The following AAK1 variants were observed in gnomAD, a reference collection of about 807,000 sequenced individuals.
AAK1 encodes AP2 associated kinase 1, also known as AP2-associated protein kinase 1.
In AAK1, 37 loss-of-function variants were observed where a neutral mutation model predicts 116.0. The observed-to-expected ratio is 0.32, with a 90% CI of 0.25 to 0.42. The LOEUF (loss-of-function observed/expected upper bound fraction) is 0.42. Among genes scored for constraint, AAK1 ranks in the 10% least tolerant of loss-of-function variants. The probability of loss-of-function intolerance (pLI) is 1.00; values close to 1 mark genes in which losing one functional copy is unlikely to be tolerated. For synonymous variants in AAK1, 458 were observed against 439.9 expected, an observed-to-expected ratio of 1.04 and a Z score of -0.51; for missense variants, 919 against 1,170.6, an observed-to-expected ratio of 0.79 and a Z score of 3.14.
chr2:69,525,739 A>G (rs1669995397), intron 9 of AAK1, among the ~76,000 whole-genome samples: 1 of 152,190 alleles, frequency 6.6e-6, no homozygotes, highest in African/African-American at 2.4e-5. Context: ...GCTGTCCCTA[A>G]CCCTAAAACA....
intron 2 of AAK1, among the ~76,000 whole-genome samples, chr2:69,603,151 C>T (rs1203795939): frequency 1.3e-5 from 2 of 152,176 alleles, no homozygotes; most frequent in East Asian, 1.9e-4. Context: ...GCATTTTCAA[C>T]ATTTGAACAT....
rs199760958 is a variant in AAK1 at position 69,509,323 on chromosome 2, G to A, written c.1914C>T (p.Asp638=). 96 of 1,613,958 alleles carry A rather than the reference G, an allele frequency of 5.9e-5. 1 individual carries two copies. Among genetic ancestry groups the A allele is most frequent in the Middle Eastern group, 1.6e-4 (1 of 6,062 alleles). The change falls in exon 14 of 22, where the codon GAC becomes GAT. Residue 638 remains aspartate, a synonymous_variant. Transcript: ENST00000409085. The part of the protein sequence containing the change: ...QRAGHRRILS[D]VTHSAVFGVP... The stretch of plus-strand genomic sequence containing the variant: ...CCCCAAAGACTGCACTGTGGGTTAC[G>A]TCACTGAGAATACGCCTGTGCCCAG...
At chr2:69,560,022 T>C (rs1671565769) in intron 2 of AAK1, among the ~76,000 whole-genome samples, 1 of 152,352 alleles carries the variant, frequency 6.6e-6, no homozygotes, top group African/African-American at 2.4e-5. Context: ...CCTATGACCA[T>C]GATAAATCTA....
At chr2:69,630,465 A>G (rs941745237) in intron 2 of AAK1, among the ~76,000 whole-genome samples, 8 of 152,022 alleles carry the variant, frequency 5.3e-5, no homozygotes, top group African/African-American at 1.9e-4. Flanking sequence ...TAAAAACAAA[A>G]TTCATGCACC....
chr2:69,618,603 G>A (rs1674445707), intron 2 of AAK1, among the ~76,000 whole-genome samples: 1 of 152,100 alleles, frequency 6.6e-6, no homozygotes, highest in Admixed American at 6.6e-5. Flanking sequence ...CATGCCACGT[G>A]GCTACACTGG....
In AAK1 at chr2:69,474,778, G is replaced by C; in HGVS notation, c.*1091C>G. The C allele has an allele frequency of 1.0e-6, 1 of 985,812 alleles. No homozygotes were observed. Among genetic ancestry groups the C allele is most frequent in the East Asian group, 1.1e-4 (1 of 8,814 alleles). 61.1% of individuals were successfully genotyped at this position (985,812 alleles called of 1,614,324 possible). A position where few individuals can be genotyped will look rare whatever the true frequency, so the allele number is the denominator to read the frequency against. On this transcript the variant is annotated 3_prime_UTR_variant, in exon 22 of 22. Coordinates refer to ENST00000409085, the MANE Select transcript of AAK1 (RefSeq NM_014911.5). ...AATGATTCCATATGTTACACTGTAG[G>C]ATTGTTGTGTAGTTATACAAGGGAA... is the stretch of plus-strand genomic sequence containing the variant.
chr2:69,560,553 AT>A (rs199879755), intron 2 of AAK1, among the ~76,000 whole-genome samples: 1,901 of 152,380 alleles, frequency 0.012, 21 homozygotes, highest in Non-Finnish European at 0.019. Context: ...AATCATAAAG[AT>A]AAAAAGGATA....
At chr2:69,577,300 C>G (rs1366719476) in intron 2 of AAK1, among the ~76,000 whole-genome samples, 1 of 152,238 alleles carries the variant, frequency 6.6e-6, no homozygotes, top group Non-Finnish European at 1.5e-5. Context: ...TTACCCATCA[C>G]TCATCAGAGA....
intron 2 of AAK1, among the ~76,000 whole-genome samples, chr2:69,611,822 G>C (rs1046295198): frequency 2.6e-5 from 4 of 152,168 alleles, no homozygotes; most frequent in African/African-American, 9.7e-5. Context: ...CCTTAAAAGG[G>C]AAGAACATTT....
At chr2:69,595,259 C>A (rs887119438) in intron 2 of AAK1, among the ~76,000 whole-genome samples, 1 of 152,012 alleles carries the variant, frequency 6.6e-6, no homozygotes, top group Non-Finnish European at 1.5e-5. Flanking sequence ...ATTACAGGCA[C>A]GCACCACCAC....
chr2:69,641,285 G>A (rs958326927), intron 2 of AAK1, among the ~76,000 whole-genome samples: 6 of 152,244 alleles, frequency 3.9e-5, no homozygotes, highest in African/African-American at 1.2e-4. Flanking sequence ...GTGGCCCTTC[G>A]TTTCTCCTGA....
chr2:69,604,862 T>C (rs1028082617), intron 2 of AAK1, among the ~76,000 whole-genome samples: 7 of 152,162 alleles, frequency 4.6e-5, no homozygotes, highest in Non-Finnish European at 4.4e-5. Flanking sequence ...ACCTTTCTCC[T>C]TCTAGACTCT....
intron 14 of AAK1, among the ~76,000 whole-genome samples, chr2:69,508,296 G>T (rs1676265147): frequency 6.6e-6 from 1 of 152,092 alleles, no homozygotes; most frequent in Non-Finnish European, 1.5e-5. Context: ...CATCTCTCAG[G>T]ATCCAGCATG....
At chr2:69,592,429 C>T (rs1487466870) in intron 2 of AAK1, among the ~76,000 whole-genome samples, 1 of 152,108 alleles carries the variant, frequency 6.6e-6, no homozygotes, top group Non-Finnish European at 1.5e-5. Flanking sequence ...AGGACAGCCC[C>T]CCACAACAGC....
At chr2:69,600,135 T>C (rs549680502) in intron 2 of AAK1, among the ~76,000 whole-genome samples, 1 of 152,064 alleles carries the variant, frequency 6.6e-6, no homozygotes, top group African/African-American at 2.4e-5. Context: ...AAATTAGGAA[T>C]AATATAGAAT....
chr2:69,470,959 T>G lies in AAK1; in HGVS notation c.*4910A>C. 1 of 985,892 alleles carries G rather than the reference T, an allele frequency of 1.0e-6. No homozygotes were observed. The highest frequency in any genetic ancestry group is 4.7e-5 in the South Asian group (1 of 21,292). 61.1% of individuals were successfully genotyped at this position (985,892 alleles called of 1,614,324 possible). ...TAAAAGTCTTTATTCCCCTGTATGTTTACATAAGAAAGTTCTTTACAGACT... is the reference window on the plus strand; with the variant it reads ...TAAAAGTCTTTATTCCCCTGTATGTGTACATAAGAAAGTTCTTTACAGACT... On this transcript the variant is annotated 3_prime_UTR_variant, in exon 22 of 22. Coordinates refer to ENST00000409085, the MANE Select transcript of AAK1 (RefSeq NM_014911.5).
intron 2 of AAK1, among the ~76,000 whole-genome samples, chr2:69,611,848 C>T (rs572172999): frequency 5.9e-5 from 9 of 152,302 alleles, no homozygotes; most frequent in African/African-American, 1.9e-4. Flanking sequence ...TATACTATAA[C>T]ATGGATGAAC....
At chr2:69,504,412 A>G (rs996990928) in intron 16 of AAK1, among the ~76,000 whole-genome samples, 7 of 146,648 alleles carry the variant, frequency 4.8e-5, no homozygotes, top group Non-Finnish European at 7.5e-5. Flanking sequence ...AAAAAAAAAA[A>G]AAAAAAAAGA....
rs762902993 is a variant in AAK1, at chr2:69,505,614, T to G, written c.2224A>C (p.Thr742Pro). The G allele has an allele frequency of 1.2e-6, 2 of 1,613,648 alleles. No homozygotes were observed. The highest frequency in any genetic ancestry group is 1.7e-5 in the Admixed American group (1 of 59,998). The stretch of plus-strand genomic sequence containing the variant: ...GTCGTAGCAAAAGCATCACCTTGGG[T>G]TGATTGAAAGCCTGGGATCAAACTC... ...AESLIPGFQS[T>P]QGDAFATTSF... Residue 742 changes from threonine (T) to proline (P), a missense_variant, in exon 16 of 22, where the codon ACC becomes CCC. Transcript: ENST00000409085.
Sources: gnomAD v4.1 joint callset for allele counts (sites outside exome capture counted in the v4.1 genomes callset) on GRCh38, gnomAD v4.1.1 for gene constraint, MANE v1.5 for transcripts, NCBI Gene and HGNC (gene_info 2026-07-23, HGNC 2026-07-21) for gene names.